The following SLC22A12 variants were observed in gnomAD, a reference collection of about 807,000 sequenced individuals.
SLC22A12 encodes the protein solute carrier family 22 member 12.
Under a neutral mutation model 52.7 loss-of-function variants are expected in SLC22A12, and 56 were observed. The ratio of observed to expected loss-of-function variants is 1.06; its 90% CI spans 0.86 to 1.33. The LOEUF is 1.33. Among genes scored for constraint, SLC22A12 ranks in the 40% most tolerant of loss-of-function variants. SLC22A12 has a pLI of 0.00. For synonymous variants in SLC22A12, 337 were observed against 324.6 expected (o/e 1.04, Z -0.41); for missense variants, 683 against 741.5 (o/e 0.92, Z 0.92).
intron 6 of SLC22A12, 133 bp downstream of exon 6, chr11:64,599,056 A>G: frequency 7.5e-7 from 1 of 1,327,004 alleles, no homozygotes; most frequent in Non-Finnish European, 1.0e-6. Context: ...CCCCTCTGTC[A>G]GTCACTCCCG....
intron 4 of SLC22A12, among the ~76,000 whole-genome samples, chr11:64,594,768 G>GATGA (rs1203029229): frequency 6.6e-6 from 1 of 150,496 alleles, no homozygotes; most frequent in Non-Finnish European, 1.5e-5. Flanking sequence ...TGGATGGATG[G>GATGA]ATGAATGGAT....
rs1007360316 is a variant in SLC22A12 at position 64,600,300 on chromosome 11, GCT to G, written c.1286-66_1286-65del. ...TGAAAGTCAGGGACAAGCCCCCTGG[GCT>G]GAAGGGAGCCCTCATCTGATCTTGG... On this transcript the variant is annotated intron_variant, in intron 7 of 9. Coordinates refer to ENST00000377574, the MANE Select transcript of SLC22A12 (RefSeq NM_144585.4). 3 of 1,252,198 alleles carry G rather than the reference GCT, an allele frequency of 2.4e-6. No homozygotes were observed. The African/African-American group carries it at 4.5e-5, about 19-fold the overall frequency. The allele number at this position is 1,252,198 out of a possible 1,614,324, so 77.6% of individuals were successfully genotyped here.
rs761093310 is a variant in SLC22A12, at chr11:64,600,786, G to C, written c.1446G>C (p.Leu482=). ...TGGCAGCCCGTGGAGGAGCCATCCT[G>C]GGGCCTCTGGTCCGGCTGCTGGGTG... ...GQMAARGGAI[L]GPLVRLLGVH... Residue 482 remains leucine, a synonymous_variant, in exon 9 of 10, where the codon CTG becomes CTC. Transcript: ENST00000377574. The C allele has an allele frequency of 6.2e-7, 1 of 1,605,778 alleles. No homozygotes were observed. The highest frequency in any genetic ancestry group is 1.1e-5 in the South Asian group (1 of 91,070).
At chr11:64,597,130 C>T (rs530944679) in intron 4 of SLC22A12, among the ~76,000 whole-genome samples, 81 of 152,222 alleles carry the variant, frequency 5.3e-4, no homozygotes, top group African/African-American at 1.8e-3. Context: ...CCGCTTTCTC[C>T]CTCCCAGTCA....
At position 64,599,877 on chromosome 11, in the gene SLC22A12, G is replaced by C. The variant is rs183551522; in HGVS notation, c.1272G>C (p.Thr424=). 2 of 1,612,336 alleles carry C rather than the reference G, an allele frequency of 1.2e-6. No homozygotes were observed. Among genetic ancestry groups the C allele is most frequent in the Admixed American group, 1.7e-5 (1 of 59,970 alleles). The change falls in exon 7 of 10, where the codon ACG becomes ACC. Residue 424 remains threonine (T), a synonymous_variant. Transcript: ENST00000377574. ...CAGGGCTCTGCATTCTGGCCAACAC[G>C]CTGGTGCCCCACGGTGAGGGGGCAA... is the stretch of plus-strand genomic sequence containing the variant. ...LLAGLCILAN[T]LVPHEMGALR...
At chr11:64,593,298 G>T in intron 2 of SLC22A12, 107 bp from the exon 3 acceptor site, 1 of 1,554,744 alleles carries the variant, frequency 6.4e-7, no homozygotes, top group Non-Finnish European at 8.8e-7. Context: ...TTCAGTGTCC[G>T]CCTCAGCTCA....
rs1031788733 is a variant in SLC22A12 at position 64,599,809 on chromosome 11, C to T, written c.1204C>T (p.His402Tyr). 4 of 1,612,718 alleles carry T rather than the reference C, an allele frequency of 2.5e-6. No individual in the cohort carries two copies. The highest frequency in any genetic ancestry group is 3.4e-6 in the Non-Finnish European group (4 of 1,179,864). ...AKMGALLLLS[H>Y]LGRRPTLAAS... ...GATGGGCGCCCTGCTGCTGCTGAGCCACCTGGGCCGCCGCCCCACGCTGGC... is the reference window on the plus strand; with the variant it reads ...GATGGGCGCCCTGCTGCTGCTGAGCTACCTGGGCCGCCGCCCCACGCTGGC... The change falls in exon 7 of 10, where the codon CAC becomes TAC. Residue 402 changes from histidine to tyrosine, a missense_variant. By Grantham distance (83) the His-to-Tyr change is moderately conservative. Coordinates refer to ENST00000377574, the MANE Select transcript of SLC22A12 (RefSeq NM_144585.4).
rs1269323002 is a variant in SLC22A12 at position 64,602,322 on chromosome 11, G to A, written c.*771G>A. ...GGGCCAGAGAGGCATTGGTGCGAGG[G>A]ATTGAATAAAGAAACAAATGAATGG... is the stretch of plus-strand genomic sequence containing the variant. On this transcript the variant is annotated 3_prime_UTR_variant, in exon 10 of 10. Transcript: ENST00000377574. 2.6e-5 allele frequency: 4 copies of A among 152,890 alleles called. No individual in the cohort carries two copies. Among genetic ancestry groups the A allele is most frequent in the African/African-American group, 9.6e-5 (4 of 41,472 alleles). 9.5% of individuals were successfully genotyped at this position (152,890 alleles called of 1,614,324 possible).
chr11:64,596,282 GGAT>G (rs2039232011), intron 4 of SLC22A12, among the ~76,000 whole-genome samples: 11 of 59,490 alleles, frequency 1.8e-4, no homozygotes, highest in South Asian at 6.2e-4. Context: ...ATGGATGGAT[GGAT>G]GGATGGCTGA....
chr11:64,593,946 C>A, intron 4 of SLC22A12, 143 bp downstream of exon 4: 1 of 1,261,354 alleles, frequency 7.9e-7, no homozygotes, highest in Non-Finnish European at 1.1e-6. Flanking sequence ...AGGAGCGTGG[C>A]AGAGTGTACC....
At chr11:64,598,676 C>A (rs543279317) in intron 5 of SLC22A12, 37 bp downstream of exon 5, 1 of 1,602,454 alleles carries the variant, frequency 6.2e-7, no homozygotes, top group Non-Finnish European at 8.5e-7. Flanking sequence ...GACCCTCAGA[C>A]CCTCTCCCTG....
At position 64,595,291 on chromosome 11, in the gene SLC22A12, T is replaced by TTGGATGGA. The variant is rs200650711; in HGVS notation, c.830+1524_830+1531dup. On this transcript the variant is annotated intron_variant, in intron 4 of 9. Coordinates refer to ENST00000377574, the MANE Select transcript of SLC22A12 (RefSeq NM_144585.4). ...GATGGATGGATGGTTGAATGGATGGTTGGATGGATGGATGGATGGATGGAT... is the reference window on the plus strand; with the variant it reads ...GATGGATGGATGGTTGAATGGATGGTTGGATGGATGGATGGATGGATGGATGGATGGAT... 1.2e-3 allele frequency among the ~76,000 whole-genome samples: 47 copies of TTGGATGGA among 37,822 alleles called. 3 individuals carry two copies. Among genetic ancestry groups the TTGGATGGA allele is most frequent in the East Asian group, 9.1e-3 (6 of 662 alleles). 24.8% of individuals were successfully genotyped at this position (37,822 alleles called of 152,430 possible).
intron 1 of SLC22A12, 121 bp from the exon 2 acceptor site, chr11:64,592,658 C>T (rs572276694): frequency 1.2e-6 from 1 of 821,636 alleles, no homozygotes; most frequent in African/African-American, 1.7e-5. Context: ...GCTCTAAAAC[C>T]CTAGAGGTCA....
chr11:64,593,434 G>A lies in SLC22A12; in HGVS notation c.536G>A (p.Ser179Asn). The A allele has an allele frequency of 1.2e-6, 2 of 1,614,174 alleles. No homozygotes were observed. The highest frequency in any genetic ancestry group is 1.3e-5 in the African/African-American group (1 of 75,078). Residue 179 changes from serine (S) to asparagine (N), a missense_variant, in exon 3 of 10, where the codon AGC becomes AAC. Transcript: ENST00000377574. ...RFGRRLVLTW[S>N]YLQMAVMGTA... is the part of the protein sequence containing the mutation. The stretch of plus-strand genomic sequence containing the variant: ...GGGCGCAGGCTGGTGCTAACCTGGA[G>A]CTACCTTCAGATGGCTGTGATGGGT...
chr11:64,591,465 C>G lies in SLC22A12; in HGVS notation c.-92C>G. The G allele has an allele frequency of 6.4e-7, 1 of 1,550,664 alleles. No individual in the cohort carries two copies. Among genetic ancestry groups the G allele is most frequent in the Non-Finnish European group, 8.8e-7 (1 of 1,140,194 alleles). ...CTGGAGAAGCCACTGTGGGCACCAC[C>G]GTGGGGGAAACAGGCCCGTTGCCCT... On this transcript the variant is annotated 5_prime_UTR_variant, in exon 1 of 10. Transcript: ENST00000377574.
intron 4 of SLC22A12, among the ~76,000 whole-genome samples, chr11:64,595,091 GA>G (rs2039082558): frequency 2.5e-5 from 3 of 120,986 alleles, no homozygotes; most frequent in South Asian, 3.2e-4. Context: ...TGGATAGATG[GA>G]AAGGATGGAT....
Position 64,591,558 on chromosome 11 carries a change from TG to T in SLC22A12, c.4del (p.Ala2?), listed in dbSNP as rs2038916151. 6.2e-7 allele frequency: 1 copy of T among 1,611,734 alleles called. No homozygotes were observed. The highest frequency in any genetic ancestry group is 1.7e-5 in the Admixed American group (1 of 60,008). [M>X]AFSELLDLVG... ...TTCTGGGCCCCTTGAGTAGGTTCCA[TG>T]GCATTTTCTGAACTCCTGGACCTCG... On this transcript the variant is annotated frameshift_variant and start_lost, in exon 1 of 10. Coordinates refer to ENST00000377574, the MANE Select transcript of SLC22A12 (RefSeq NM_144585.4). LOFTEE classifies it high-confidence loss of function.
rs1251240267 is a variant in SLC22A12 at position 64,593,936 on chromosome 11, AG to A, written c.830+135del. 3 of 1,349,322 alleles carry A rather than the reference AG, an allele frequency of 2.2e-6. No homozygotes were observed. In the African/African-American group the frequency reaches 4.3e-5, roughly 19 times the overall value. The allele number at this position is 1,349,322 out of a possible 1,614,324, so 83.6% of individuals were successfully genotyped here. On this transcript the variant is annotated intron_variant, in intron 4 of 9. Transcript: ENST00000377574. The stretch of plus-strand genomic sequence containing the variant: ...GGGGTGCATGGGCTGGAGGAAAGCC[AG>A]GAGCGTGGCAGAGTGTACCACCCAC...
chr11:64,596,178 A>C (rs2039210154), intron 4 of SLC22A12, among the ~76,000 whole-genome samples: 2 of 145,654 alleles, frequency 1.4e-5, no homozygotes, highest in South Asian at 4.5e-4. Flanking sequence ...GAATAGATGG[A>C]ATGGATGGAT....
Sources: gnomAD v4.1 joint callset for allele counts (sites outside exome capture counted in the v4.1 genomes callset) on GRCh38, gnomAD v4.1.1 for gene constraint, MANE v1.5 for transcripts, NCBI Gene and HGNC (gene_info 2026-07-23, HGNC 2026-07-21) for gene names.